Variants in RAC1 observed in about 807,000 individuals in gnomAD.
RAC1 encodes ras-related C3 botulinum toxin substrate 1.
RAC1 carries 2 observed loss-of-function variants against 25.2 expected under a neutral mutation model. That is an observed-to-expected ratio of 0.08 (90% CI 0.03 to 0.25). The LOEUF (loss-of-function observed/expected upper bound fraction) is 0.25. Among genes scored for constraint, RAC1 ranks in the 10% least tolerant of loss-of-function variants. The pLI is 1.00. For synonymous variants in RAC1, 88 were observed against 94.0 expected (o/e 0.94, Z 0.37); for missense variants, 50 against 235.7 (o/e 0.21, Z 5.16).
intron 1 of RAC1, among the ~76,000 whole-genome samples, chr7:6,381,227 CTT>C (rs1415271187): frequency 1.3e-5 from 2 of 152,082 alleles, no homozygotes; most frequent in Non-Finnish European, 2.9e-5. Context: ...TTTTTGAACT[CTT>C]GTGTGTTCAG....
At chr7:6,381,326 C>G (rs965416897) in intron 1 of RAC1, among the ~76,000 whole-genome samples, 3 of 151,644 alleles carry the variant, frequency 2.0e-5, no homozygotes, top group African/African-American at 7.3e-5. Flanking sequence ...GTGTCTTCAG[C>G]CTAAGTGAGA....
chr7:6,398,683 G>C (rs772280968), intron 3 of RAC1: 2 of 1,613,868 alleles, frequency 1.2e-6, no homozygotes, highest in South Asian at 1.1e-5. Context: ...GTACGGTAAG[G>C]ATATAACCTC....
chr7:6,376,152 A>G (rs1157903590), intron 1 of RAC1, among the ~76,000 whole-genome samples: 2 of 126,824 alleles, frequency 1.6e-5, no homozygotes, highest in Non-Finnish European at 3.4e-5. Flanking sequence ...GTGAAGGAGT[A>G]TTAGAGTATG....
At chr7:6,389,632 A>G (rs1783029786) in intron 2 of RAC1, among the ~76,000 whole-genome samples, 2 of 152,038 alleles carry the variant, frequency 1.3e-5, no homozygotes, top group African/African-American at 4.8e-5. Flanking sequence ...GTGAGCCAAG[A>G]TTGTGCCTCT....
chr7:6,399,581 G>A (rs1233769747), intron 3 of RAC1, among the ~76,000 whole-genome samples: 2 of 152,212 alleles, frequency 1.3e-5, no homozygotes, highest in Non-Finnish European at 2.9e-5. Context: ...TGACTCTAGG[G>A]CAGCGTGAGG....
chr7:6,388,949 C>G (rs1783003098), intron 2 of RAC1, among the ~76,000 whole-genome samples: 1 of 151,948 alleles, frequency 6.6e-6, no homozygotes, highest in South Asian at 2.1e-4. Context: ...GCCTGTAATC[C>G]CAGCACTTTG....
intron 1 of RAC1, among the ~76,000 whole-genome samples, chr7:6,382,080 A>G (rs1583259209): frequency 6.6e-6 from 1 of 151,860 alleles, no homozygotes; most frequent in South Asian, 2.1e-4. Flanking sequence ...TGCAACCTCT[A>G]CCCCGTGGCC....
chr7:6,381,456 G>T (rs1045714932), intron 1 of RAC1, among the ~76,000 whole-genome samples: 2 of 147,756 alleles, frequency 1.4e-5, no homozygotes, highest in South Asian at 2.2e-4. Flanking sequence ...GCAGTGGCAC[G>T]AAATCAGCTC....
chr7:6,378,846 G>A (rs1782681437), intron 1 of RAC1, among the ~76,000 whole-genome samples: 1 of 152,122 alleles, frequency 6.6e-6, no homozygotes, highest in Admixed American at 6.6e-5. Flanking sequence ...CCAGAACTTT[G>A]GGAGGCCAAG....
At chr7:6,388,894 G>A (rs1783001317) in intron 2 of RAC1, among the ~76,000 whole-genome samples, 1 of 152,046 alleles carries the variant, frequency 6.6e-6, no homozygotes, top group Non-Finnish European at 1.5e-5. Context: ...AAAAGACAAT[G>A]GATGTTTTAA....
chr7:6,393,080 G>A (rs530689660), intron 3 of RAC1, among the ~76,000 whole-genome samples: 2 of 152,310 alleles, frequency 1.3e-5, no homozygotes, highest in East Asian at 1.9e-4. Context: ...GTTGGCCGGA[G>A]GGATTGGGGT....
intron 1 of RAC1, among the ~76,000 whole-genome samples, chr7:6,376,704 G>T (rs836492): frequency 0.6 from 75,618 of 125,158 alleles, 24,793 homozygotes; most frequent in East Asian, 0.91. Flanking sequence ...TTTTTTTGGT[G>T]GAGACGGAGT....
intron 1 of RAC1, among the ~76,000 whole-genome samples, chr7:6,377,361 A>G (rs1392623118): frequency 6.6e-6 from 1 of 152,140 alleles, no homozygotes; most frequent in South Asian, 2.1e-4. Context: ...TGGGAGGCCA[A>G]GGTGGGTGGA....
intron 3 of RAC1, among the ~76,000 whole-genome samples, chr7:6,395,606 G>A (rs375244875): frequency 1.8e-4 from 28 of 152,216 alleles, no homozygotes; most frequent in African/African-American, 6.5e-4. Flanking sequence ...TTTTTTTAAA[G>A]TTTACTTACT....
chr7:6,378,180 C>T (rs1782658667), intron 1 of RAC1, among the ~76,000 whole-genome samples: 1 of 151,242 alleles, frequency 6.6e-6, no homozygotes, highest in Non-Finnish European at 1.5e-5. Context: ...ATGAAAATCT[C>T]TATTTCAATC....
At chr7:6,402,140 C>A in intron 5 of RAC1, 113 bp downstream of exon 5, 1 of 1,443,604 alleles carries the variant, frequency 6.9e-7, no homozygotes, top group African/African-American at 1.4e-5. Context: ...GCCTGGTGTA[C>A]TCTTGGGGAA....
At position 6,402,565 on chromosome 7, in the gene RAC1, C is replaced by T. The variant is rs1783446167; in HGVS notation, c.*119C>T. The T allele has an allele frequency of 4.1e-6, 4 of 982,142 alleles. No homozygotes were observed. Among genetic ancestry groups the T allele is most frequent in the Non-Finnish European group, 5.3e-6 (4 of 752,134 alleles). The allele number at this position is 982,142 out of a possible 1,614,324, so 60.8% of individuals were successfully genotyped here. A position where few individuals can be genotyped will look rare whatever the true frequency, so the allele number is the denominator to read the frequency against. Reference sequence around the variant, plus strand: ...ACGGTGGAGCCTTCGCACTCAATGCCAACTTTTTGTTACAGATTAATTTTT... The same window carrying T: ...ACGGTGGAGCCTTCGCACTCAATGCTAACTTTTTGTTACAGATTAATTTTT... On this transcript the variant is annotated 3_prime_UTR_variant, in exon 6 of 6. Coordinates refer to ENST00000348035, the MANE Select transcript of RAC1 (RefSeq NM_006908.5).
chr7:6,392,585 AC>A (rs1381402994), intron 3 of RAC1, among the ~76,000 whole-genome samples: 2 of 152,176 alleles, frequency 1.3e-5, no homozygotes, highest in Admixed American at 6.5e-5. Flanking sequence ...AAAAAAGTTT[AC>A]TTTTGCTTCT....
chr7:6,374,852 G>A (rs1782533819), intron 1 of RAC1, 82 bp downstream of exon 1: 2 of 1,014,610 alleles, frequency 2.0e-6, no homozygotes. Flanking sequence ...GCCCAGGCAG[G>A]CCGGCGTCCG....
Sources: allele counts gnomAD v4.1 joint callset (sites outside exome capture counted in the v4.1 genomes callset), GRCh38; gene constraint gnomAD v4.1.1; transcripts MANE v1.5; gene names NCBI Gene and HGNC (gene_info 2026-07-23, HGNC 2026-07-21).